Variants in ANKRD55 observed in about 807,000 individuals in gnomAD.
ANKRD55 encodes ankyrin repeat domain 55, also known as ankyrin repeat domain-containing protein 55.
Under a neutral mutation model 60.6 loss-of-function variants are expected in ANKRD55, and 41 were observed. The observed-to-expected ratio is 0.68, with a 90% CI of 0.53 to 0.88. The LOEUF (loss-of-function observed/expected upper bound fraction) is 0.88. Ranked by LOEUF, ANKRD55 falls within the 40% of genes least tolerant of loss-of-function variation. ANKRD55 has a pLI of 0.00. For synonymous variants in ANKRD55, 264 were observed against 290.3 expected (o/e 0.91, Z 0.92); for missense variants, 732 against 767.6 (o/e 0.95, Z 0.55).
chr5:56,129,284 G>A (rs1298899837), intron 7 of ANKRD55, among the ~76,000 whole-genome samples: 1 of 152,184 alleles, frequency 6.6e-6, no homozygotes, highest in African/African-American at 2.4e-5. Context: ...TTTACATTGG[G>A]TAGAAATGTT....
chr5:56,184,184 C>T (rs1231497608), intron 2 of ANKRD55, among the ~76,000 whole-genome samples: 5 of 152,218 alleles, frequency 3.3e-5, no homozygotes, highest in Non-Finnish European at 7.3e-5. Context: ...GGGCAGGAGC[C>T]TGATGGGGAG....
rs555198510 is a variant in ANKRD55 at position 56,160,023 on chromosome 5, C to T, written c.423-130G>A. 379 of 693,624 alleles carry T rather than the reference C, an allele frequency of 5.5e-4. 4 individuals are homozygous for T. In the South Asian group the frequency reaches 6.3e-3, roughly 11 times the overall value. 43.0% of individuals were successfully genotyped at this position (693,624 alleles called of 1,614,324 possible). A position where few individuals can be genotyped will look rare whatever the true frequency, so the allele number is the denominator to read the frequency against. On this transcript the variant is annotated intron_variant, in intron 5 of 11. Coordinates refer to ENST00000341048, the MANE Select transcript of ANKRD55 (RefSeq NM_024669.3). The stretch of plus-strand genomic sequence containing the variant: ...TCCAAATGAAGATGAGGGCCCTTTC[C>T]GTTTCTCTGGGAAAAAGATCCACAG...
intron 5 of ANKRD55, among the ~76,000 whole-genome samples, chr5:56,170,352 G>C (rs1758580970): frequency 6.6e-6 from 1 of 152,098 alleles, no homozygotes; most frequent in Non-Finnish European, 1.5e-5. Flanking sequence ...GAATTTCAAA[G>C]GACTAGAACA....
Position 56,120,853 on chromosome 5 carries a change from C to T in ANKRD55, c.798-4071G>A, listed in dbSNP as rs528196116. On this transcript the variant is annotated intron_variant, in intron 8 of 11. Transcript: ENST00000341048. ...GGCAGAGGTTGCAGTGAGCCAAGAT[C>T]GCGCCACTGCTACTCTAGCCTGGGC... Among the ~76,000 whole-genome samples, 38 of 148,604 alleles carry T rather than the reference C, an allele frequency of 2.6e-4. 1 individual carries two copies. Among genetic ancestry groups the T allele is most frequent in the South Asian group, 6.4e-4 (3 of 4,660 alleles).
At chr5:56,176,119 T>C (rs1197230130) in intron 4 of ANKRD55, 33 bp downstream of exon 4, 11 of 1,613,684 alleles carry the variant, frequency 6.8e-6, no homozygotes, top group Non-Finnish European at 9.3e-6. Flanking sequence ...CCTACCCTGC[T>C]CCTTCCACCC....
At chr5:56,119,357 C>T (rs1161646269) in intron 8 of ANKRD55, among the ~76,000 whole-genome samples, 2 of 152,108 alleles carry the variant, frequency 1.3e-5, no homozygotes, top group Non-Finnish European at 2.9e-5. Flanking sequence ...TGTATATTTC[C>T]GCTTACATGA....
chr5:56,141,611 G>A (rs771215011), intron 7 of ANKRD55, among the ~76,000 whole-genome samples: 7 of 152,212 alleles, frequency 4.6e-5, no homozygotes, highest in Non-Finnish European at 1.5e-5. Flanking sequence ...AACATGTGGA[G>A]GTTTCTGGAG....
At chr5:56,170,640 T>G in intron 5 of ANKRD55, 54 bp downstream of exon 5, 2 of 1,398,464 alleles carry the variant, frequency 1.4e-6, no homozygotes, top group Non-Finnish European at 2.0e-6. Context: ...GATGACCTTC[T>G]CATACAAGTT....
chr5:56,193,929 T>C (rs1051497506), intron 2 of ANKRD55, among the ~76,000 whole-genome samples: 2 of 152,198 alleles, frequency 1.3e-5, no homozygotes, highest in African/African-American at 4.8e-5. Flanking sequence ...GTTGTCTATT[T>C]TTGACCATCT....
chr5:56,169,428 C>CTTT (rs59911045), intron 5 of ANKRD55, among the ~76,000 whole-genome samples: 3 of 144,164 alleles, frequency 2.1e-5, no homozygotes, highest in Non-Finnish European at 3.1e-5. Context: ...TGGGGTCATT[C>CTTT]TTTTTTTTTT....
intron 2 of ANKRD55, among the ~76,000 whole-genome samples, chr5:56,221,668 A>C (rs772606978): frequency 6.6e-6 from 1 of 152,222 alleles, no homozygotes; most frequent in Non-Finnish European, 1.5e-5. Flanking sequence ...TTTTCCAACC[A>C]TCTTAGCAAA....
rs773710913 is a variant in ANKRD55 at position 56,176,227 on chromosome 5, C to T, written c.237G>A (p.Leu79=). The change falls in exon 4 of 12, where the codon CTG becomes CTA. Residue 79 remains leucine (L), a synonymous_variant. Coordinates refer to ENST00000341048, the MANE Select transcript of ANKRD55 (RefSeq NM_024669.3). ...VSGRQADTVK[L]LLKMGANINM... ...TAATATTGGCTCCCATCTTCAACAG[C>T]AGCTTCACTGTGTCCGCTTGACGTC... The T allele has an allele frequency of 6.2e-7, 1 of 1,614,230 alleles. No homozygotes were observed. Among genetic ancestry groups the T allele is most frequent in the South Asian group, 1.1e-5 (1 of 91,088 alleles).
At chr5:56,226,388 A>C (rs1425867077) in intron 2 of ANKRD55, among the ~76,000 whole-genome samples, 1 of 152,196 alleles carries the variant, frequency 6.6e-6, no homozygotes, top group African/African-American at 2.4e-5. Context: ...CCTAGAAGAA[A>C]ACCTAGGCAA....
intron 2 of ANKRD55, among the ~76,000 whole-genome samples, chr5:56,201,920 T>C (rs1477917451): frequency 6.6e-6 from 1 of 152,132 alleles, no homozygotes; most frequent in South Asian, 2.1e-4. Flanking sequence ...ATAAACTGGA[T>C]AGAGAAAATG....
chr5:56,206,085 C>T (rs543761264), intron 2 of ANKRD55, among the ~76,000 whole-genome samples: 1 of 151,916 alleles, frequency 6.6e-6, no homozygotes, highest in African/African-American at 2.4e-5. Flanking sequence ...AGATGACCCT[C>T]CTACCTCAGC....
intron 7 of ANKRD55, among the ~76,000 whole-genome samples, chr5:56,140,203 A>G (rs187004033): frequency 2.0e-5 from 3 of 152,358 alleles, no homozygotes; most frequent in Admixed American, 1.3e-4. Context: ...CTCTAAAATG[A>G]GCACAATGCT....
At chr5:56,229,092 T>G (rs924527270) in intron 2 of ANKRD55, among the ~76,000 whole-genome samples, 2 of 124,926 alleles carry the variant, frequency 1.6e-5, no homozygotes, top group African/African-American at 6.6e-5. Flanking sequence ...ACCCCTCGCC[T>G]GTTTTTTTTT....
chr5:56,139,339 TA>T (rs1463052793), intron 7 of ANKRD55, among the ~76,000 whole-genome samples: 1 of 152,150 alleles, frequency 6.6e-6, no homozygotes, highest in Non-Finnish European at 1.5e-5. Context: ...TTTGGATGAA[TA>T]AGGCACGTTG....
At chr5:56,121,046 C>T (rs73126476) in intron 8 of ANKRD55, among the ~76,000 whole-genome samples, 6,773 of 152,130 alleles carry the variant, frequency 0.045, 524 homozygotes, top group African/African-American at 0.15. Flanking sequence ...GGCAATGGGA[C>T]CACAGGCAGG....
Sources: allele counts gnomAD v4.1 joint callset (sites outside exome capture counted in the v4.1 genomes callset), GRCh38; gene constraint gnomAD v4.1.1; transcripts MANE v1.5; gene names NCBI Gene and HGNC (gene_info 2026-07-23, HGNC 2026-07-21).